SAMD5: variants seen among roughly 807,000 people sequenced by gnomAD.
The protein encoded by SAMD5 is sterile alpha motif domain containing 5, also known as sterile alpha motif domain-containing protein 5.
Under a neutral mutation model 11.3 loss-of-function variants are expected in SAMD5, and 13 were observed. The observed-to-expected ratio is 1.15, with a 90% CI of 0.75 to 1.83. SAMD5 has a LOEUF of 1.83. Among genes scored for constraint, SAMD5 ranks in the 40% most tolerant of loss-of-function variants. The pLI, the probability that SAMD5 is intolerant of heterozygous loss-of-function variation, is 0.00. For missense variants in SAMD5, 255 were observed against 239.1 expected (o/e 1.07, Z -0.44); for synonymous variants, 129 against 111.3 (o/e 1.16, Z -1.00).
At chr6:147,919,367 G>A in the SAMD5 span, among the ~76,000 whole-genome samples, 14,674 of 152,124 alleles carry the variant, frequency 0.096, 934 homozygotes, top group South Asian at 0.14. Context: ...CTTGGGGGCC[G>A]TCATGTTTTT....
chr6:147,534,277 G>A (rs558983142), intron 1 of SAMD5, among the ~76,000 whole-genome samples: 4 of 152,262 alleles, frequency 2.6e-5, no homozygotes, highest in Admixed American at 6.5e-5. Flanking sequence ...AGTCACGGGC[G>A]AAAGGACTGT....
downstream of SAMD5, chr6:147,737,549 C>A (rs1206438530): frequency 8.2e-6 from 2 of 243,818 alleles, no homozygotes; most frequent in Admixed American, 9.5e-5. Flanking sequence ...GGACAGTGAT[C>A]CATTTAAGTT....
chr6:147,633,084 A>G (rs1416038467), intron 1 of SAMD5, among the ~76,000 whole-genome samples: 1 of 152,222 alleles, frequency 6.6e-6, no homozygotes, highest in African/African-American at 2.4e-5. Context: ...TGACAGAAAT[A>G]CAGGCACTTT....
chr6:147,739,541 T>C (rs916883320), downstream of SAMD5, among the ~76,000 whole-genome samples: 1 of 152,276 alleles, frequency 6.6e-6, no homozygotes, highest in Admixed American at 6.5e-5. Flanking sequence ...AAGGCTGCAA[T>C]GATCAGAGAT....
chr6:147,870,283 C>A, the SAMD5 span, among the ~76,000 whole-genome samples: 26,435 of 151,728 alleles, frequency 0.17, 2,674 homozygotes, highest in Non-Finnish European at 0.23. Context: ...TTATAAAGGC[C>A]GGAAGAATCC....
At chr6:147,777,688 T>G in the SAMD5 span, among the ~76,000 whole-genome samples, 1 of 152,162 alleles carries the variant, frequency 6.6e-6, no homozygotes, top group African/African-American at 2.4e-5. Flanking sequence ...CATTCCTCCT[T>G]CTTCCAGCCC....
At chr6:147,600,603 C>G (rs532817081) in intron 1 of SAMD5, among the ~76,000 whole-genome samples, 2 of 152,268 alleles carry the variant, frequency 1.3e-5, no homozygotes, top group African/African-American at 2.4e-5. Flanking sequence ...TCTTGGAGTA[C>G]ATCACTTTTC....
intron 1 of SAMD5, among the ~76,000 whole-genome samples, chr6:147,609,022 C>G (rs1048441643): frequency 6.6e-5 from 10 of 151,990 alleles, no homozygotes; most frequent in African/African-American, 2.4e-4. Flanking sequence ...TACTTGTTTT[C>G]TTGTATCAAA....
At chr6:147,633,548 G>A (rs1012694334) in intron 1 of SAMD5, among the ~76,000 whole-genome samples, 2 of 152,078 alleles carry the variant, frequency 1.3e-5, no homozygotes, top group African/African-American at 2.4e-5. Flanking sequence ...GCTGACAAGG[G>A]CTATTTTTCC....
intron 1 of SAMD5, among the ~76,000 whole-genome samples, chr6:147,618,391 T>G (rs1411881306): frequency 6.6e-6 from 1 of 151,946 alleles, no homozygotes; most frequent in African/African-American, 2.4e-5. Flanking sequence ...GACTGAGTAG[T>G]GGGGCAACAT....
chr6:147,922,083 C>T, the SAMD5 span, among the ~76,000 whole-genome samples: 1 of 152,114 alleles, frequency 6.6e-6, no homozygotes, highest in Admixed American at 6.5e-5. Context: ...GAATCACTTT[C>T]TCCTAGGTCA....
chr6:147,646,602 G>A (rs1790404661), intron 1 of SAMD5, among the ~76,000 whole-genome samples: 1 of 152,096 alleles, frequency 6.6e-6, no homozygotes, highest in Non-Finnish European at 1.5e-5. Context: ...AACTTCAGGT[G>A]GCACTTGTAG....
chr6:147,871,464 A>G, the SAMD5 span, among the ~76,000 whole-genome samples: 3 of 152,236 alleles, frequency 2.0e-5, no homozygotes, highest in Admixed American at 6.5e-5. Context: ...AAAACAGGAC[A>G]AGACAAATCT....
chr6:147,672,782 T>C (rs1016402172), intron 1 of SAMD5, among the ~76,000 whole-genome samples: 3 of 152,186 alleles, frequency 2.0e-5, no homozygotes, highest in African/African-American at 7.2e-5. Context: ...TTATTGATTT[T>C]CTAGGTGAAG....
At chr6:147,595,100 T>C (rs9986535) in intron 1 of SAMD5, among the ~76,000 whole-genome samples, 2,881 of 152,344 alleles carry the variant, frequency 0.019, 82 homozygotes, top group African/African-American at 0.066. Context: ...GTACTTGCTG[T>C]ACCTGTTAAG....
At chr6:147,584,123 G>T (rs1789340803) in intron 1 of SAMD5, among the ~76,000 whole-genome samples, 1 of 152,126 alleles carries the variant, frequency 6.6e-6, no homozygotes, top group Admixed American at 6.5e-5. Context: ...TGATTGGTGT[G>T]ACTATAGGCA....
the SAMD5 span, chr6:147,953,244 C>A: frequency 9.9e-5 from 15 of 151,682 alleles, no homozygotes; most frequent in African/African-American, 1.5e-4. Flanking sequence ...CACTGTAAAT[C>A]TTTGCTTTAC....
chr6:147,777,827 T>C, the SAMD5 span, among the ~76,000 whole-genome samples: 1 of 152,236 alleles, frequency 6.6e-6, no homozygotes, highest in Non-Finnish European at 1.5e-5. Flanking sequence ...CACCATGTTG[T>C]AGCATGCACC....
chr6:147,763,398 G>A, the SAMD5 span, among the ~76,000 whole-genome samples: 14 of 151,772 alleles, frequency 9.2e-5, no homozygotes, highest in Admixed American at 1.3e-4. Context: ...TCCTGACCTC[G>A]TGATCTGCCC....
Sources: allele counts gnomAD v4.1 joint callset (sites outside exome capture counted in the v4.1 genomes callset), GRCh38; gene constraint gnomAD v4.1.1; transcripts MANE v1.5; gene names NCBI Gene and HGNC (gene_info 2026-07-23, HGNC 2026-07-21).